SDSL: variants seen among roughly 807,000 people sequenced by gnomAD.
SDSL encodes the protein serine dehydratase-like.
A neutral mutation model predicts 27.6 loss-of-function variants in SDSL; 26 were observed. The observed-to-expected ratio is 0.94, with a 90% CI of 0.69 to 1.31. SDSL has a LOEUF of 1.31. Ranked by LOEUF, SDSL falls within the 50% of genes most tolerant of loss-of-function variation. The probability of loss-of-function intolerance (pLI) is 0.00; values close to 1 mark genes in which losing one functional copy is unlikely to be tolerated. For synonymous variants in SDSL, 196 were observed against 180.6 expected, an observed-to-expected ratio of 1.09 and a Z score of -0.69; for missense variants, 431 against 423.5, an observed-to-expected ratio of 1.02 and a Z score of -0.16.
At position 113,428,437 on chromosome 12, in the gene SDSL, C is replaced by T. The variant is rs374457448; in HGVS notation, c.192C>T (p.Cys64=). ...HFCQEMAKKG[C]RHLVCSSGGN... ...CTTCCCAGATGGCCAAGAAGGGATG[C>T]AGACACCTGGTGTGCTCCTCAGGTG... Residue 64 remains cysteine (C), a synonymous_variant, in exon 3 of 8, where the codon TGC becomes TGT. Transcript: ENST00000403593. 1 of 1,612,218 alleles carries T rather than the reference C, an allele frequency of 6.2e-7. No individual in the cohort carries two copies. Among genetic ancestry groups the T allele is most frequent in the Non-Finnish European group, 8.5e-7 (1 of 1,179,582 alleles).
rs1957869185 is a variant in SDSL, at chr12:113,427,959, C to A, written c.-21-3C>A. ...TGGGTGGTGACTTTGTGTCCTCCTGCAGGCTGTCTACCTGGTCTCCAGAAT... is the reference window on the plus strand; with the variant it reads ...TGGGTGGTGACTTTGTGTCCTCCTGAAGGCTGTCTACCTGGTCTCCAGAAT... On this transcript the variant is annotated splice_region_variant and splice_polypyrimidine_tract_variant and intron_variant, in intron 1 of 7. Coordinates refer to ENST00000403593, the MANE Select transcript of SDSL (RefSeq NM_001304993.2). 6.3e-7 allele frequency: 1 copy of A among 1,597,782 alleles called. No homozygotes were observed. The highest frequency in any genetic ancestry group is 8.5e-7 in the Non-Finnish European group (1 of 1,172,090).
At position 113,438,109 on chromosome 12, in the gene SDSL, G is replaced by A; in HGVS notation, c.*30G>A. The A allele has an allele frequency of 6.3e-7, 1 of 1,581,834 alleles. No individual in the cohort carries two copies. The highest frequency in any genetic ancestry group is 8.6e-7 in the Non-Finnish European group (1 of 1,157,032). ...TCCCATCCTGGCCCCAAAGACCCCTGAGAGGCCCATGGACAGTCCTGTGTC... is the reference window on the plus strand; with the variant it reads ...TCCCATCCTGGCCCCAAAGACCCCTAAGAGGCCCATGGACAGTCCTGTGTC... On this transcript the variant is annotated 3_prime_UTR_variant, in exon 8 of 8. Transcript: ENST00000403593.
intron 4 of SDSL, among the ~76,000 whole-genome samples, chr12:113,432,573 C>G (rs1957948565): frequency 6.6e-6 from 1 of 152,130 alleles, no homozygotes; most frequent in South Asian, 2.1e-4. Context: ...ATCTCCTGAC[C>G]TCAGGATCTG....
In SDSL at chr12:113,435,413, G is replaced by A. The variant is rs1242681868; in HGVS notation, c.528G>A (p.Gly176=). The change falls in exon 6 of 8, where the codon GGG becomes GGA. Residue 176 remains glycine (G), a synonymous_variant. Coordinates refer to ENST00000403593, the MANE Select transcript of SDSL (RefSeq NM_001304993.2). ...CCCTGGTGCTGGCAGTTGGGGGTGG[G>A]GGTCTCCTGGCCGGGGTGGTGGCTG... ...PGALVLAVGG[G]GLLAGVVAGL... is the part of the protein sequence containing the mutation. The A allele has an allele frequency of 6.8e-6, 11 of 1,612,660 alleles. No homozygotes were observed. Among genetic ancestry groups the A allele is most frequent in the Non-Finnish European group, 9.3e-6 (11 of 1,179,480 alleles).
At chr12:113,436,664 G>A (rs577249118) in intron 6 of SDSL, 87 bp from the exon 7 acceptor site, 6 of 1,341,300 alleles carry the variant, frequency 4.5e-6, no homozygotes, top group African/African-American at 1.5e-5. Context: ...AGGATGGGAG[G>A]GGGTGGCTGG....
At chr12:113,436,722 TC>T (rs1431593353) in intron 6 of SDSL, 28 bp from the exon 7 acceptor site, 1 of 1,554,562 alleles carries the variant, frequency 6.4e-7, no homozygotes, top group East Asian at 2.3e-5. Flanking sequence ...GCCCCTGGTC[TC>T]CCTGCCCCAC....
In SDSL at chr12:113,436,091, C is replaced by T. The variant is rs549595549; in HGVS notation, c.671+535C>T. On this transcript the variant is annotated intron_variant, in intron 6 of 7. Transcript: ENST00000403593. ...TGCTATGATCGTCCCTGTGAATAGC[C>T]ATCGTGCTCCAGCCTGGGAAACTTA... Among the ~76,000 whole-genome samples the T allele has an allele frequency of 3.1e-3, 475 of 152,276 alleles. 1 individual carries two copies. The highest frequency in any genetic ancestry group is 5.3e-3 in the Non-Finnish European group (362 of 68,016).
chr12:113,435,567 G>A lies in SDSL; in HGVS notation c.671+11G>A. On this transcript the variant is annotated intron_variant, in intron 6 of 7. Coordinates refer to ENST00000403593, the MANE Select transcript of SDSL (RefSeq NM_001304993.2). ...TCCAGACATCACCAGGTGGGTAAGG[G>A]CTGGGGACATTTGTAGGGGCTGGAG... 2 of 1,607,764 alleles carry A rather than the reference G, an allele frequency of 1.2e-6. No homozygotes were observed. Among genetic ancestry groups the A allele is most frequent in the South Asian group, 1.1e-5 (1 of 90,238 alleles).
Position 113,427,862 on chromosome 12 carries a change from G to A in SDSL, c.-21-100G>A, listed in dbSNP as rs143279176. On this transcript the variant is annotated intron_variant, in intron 1 of 7. Coordinates refer to ENST00000403593, the MANE Select transcript of SDSL (RefSeq NM_001304993.2). ...GCTCAGCAGCTGGATGAAGTGAAGGGCACCTAAGCCAAGGGCTTTCTCCAC... is the reference window on the plus strand; with the variant it reads ...GCTCAGCAGCTGGATGAAGTGAAGGACACCTAAGCCAAGGGCTTTCTCCAC... 567 of 1,044,752 alleles carry A rather than the reference G, an allele frequency of 5.4e-4. 6 individuals carry two copies. The African/African-American group carries it at 8.1e-3, about 15-fold the overall frequency. The allele number at this position is 1,044,752 out of a possible 1,614,324, so 64.7% of individuals were successfully genotyped here.
At chr12:113,437,285 C>T (rs1178629632) in intron 7 of SDSL, among the ~76,000 whole-genome samples, 1 of 152,214 alleles carries the variant, frequency 6.6e-6, no homozygotes, top group Non-Finnish European at 1.5e-5. Flanking sequence ...ATGTGAGCCC[C>T]ATGAGGGCTG....
chr12:113,423,667 G>A (rs867656122), intron 1 of SDSL, among the ~76,000 whole-genome samples: 31 of 152,246 alleles, frequency 2.0e-4, no homozygotes, highest in Middle Eastern at 3.4e-3. Flanking sequence ...GCTTGAGCCC[G>A]GGACTTCAAG....
At chr12:113,428,305 G>C (rs1957876052) in intron 2 of SDSL, 115 bp from the exon 3 acceptor site, 1 of 1,313,550 alleles carries the variant, frequency 7.6e-7, no homozygotes, top group Admixed American at 2.1e-5. Context: ...GCTGTGGGCA[G>C]GATGAGGGGT....
At chr12:113,425,300 C>T (rs1471773856) in intron 1 of SDSL, among the ~76,000 whole-genome samples, 2 of 152,048 alleles carry the variant, frequency 1.3e-5, no homozygotes, top group Non-Finnish European at 1.5e-5. Flanking sequence ...CCCTGATGCC[C>T]GAAGCTGAGA....
At position 113,435,562 on chromosome 12, in the gene SDSL, T is replaced by C. The variant is rs766010759; in HGVS notation, c.671+6T>C. The C allele has an allele frequency of 1.6e-5, 26 of 1,610,314 alleles. No individual in the cohort carries two copies. The highest frequency in any genetic ancestry group is 2.2e-5 in the East Asian group (1 of 44,868). ...ACACTTCCAGACATCACCAGGTGGG[T>C]AAGGGCTGGGGACATTTGTAGGGGC... is the stretch of plus-strand genomic sequence containing the variant. On this transcript the variant is annotated splice_donor_region_variant and intron_variant, in intron 6 of 7. Transcript: ENST00000403593.
chr12:113,423,949 T>C (rs1002883293), intron 1 of SDSL, among the ~76,000 whole-genome samples: 1 of 152,206 alleles, frequency 6.6e-6, no homozygotes, highest in African/African-American at 2.4e-5. Context: ...ATGTACACGC[T>C]CTTCTTGCAG....
chr12:113,430,986 C>G (rs939480415), intron 4 of SDSL, among the ~76,000 whole-genome samples: 1 of 152,168 alleles, frequency 6.6e-6, no homozygotes, highest in Non-Finnish European at 1.5e-5. Flanking sequence ...GGGCAGTGGT[C>G]AAACCAATGG....
intron 1 of SDSL, among the ~76,000 whole-genome samples, 181 bp from the exon 2 acceptor site, chr12:113,427,781 A>T (rs1957866770): frequency 6.6e-6 from 1 of 152,196 alleles, no homozygotes; most frequent in African/African-American, 2.4e-5. Flanking sequence ...AACTTCTTTG[A>T]CCAGATGGGG....
intron 5 of SDSL, 135 bp from the exon 6 acceptor site, chr12:113,435,194 G>A (rs1957972437): frequency 3.6e-6 from 2 of 554,034 alleles, no homozygotes; most frequent in Non-Finnish European, 6.3e-6. Flanking sequence ...CCGTGGATGG[G>A]ATGGGGATGG....
intron 6 of SDSL, 65 bp from the exon 7 acceptor site, chr12:113,436,686 G>C: frequency 6.8e-7 from 1 of 1,469,326 alleles, no homozygotes; most frequent in Non-Finnish European, 9.0e-7. Flanking sequence ...GCTGGGGAGA[G>C]ACCTGTTTCA....
Sources: allele counts gnomAD v4.1 joint callset (sites outside exome capture counted in the v4.1 genomes callset), GRCh38; gene constraint gnomAD v4.1.1; transcripts MANE v1.5; gene names NCBI Gene and HGNC (gene_info 2026-07-23, HGNC 2026-07-21).